SLC44A1: variants seen among roughly 807,000 people sequenced by gnomAD.
The protein encoded by SLC44A1 is choline transporter-like protein 1.
In SLC44A1, 26 loss-of-function variants were observed where a neutral mutation model predicts 79.3. That is an observed-to-expected ratio of 0.33 (90% CI 0.24 to 0.46). The LOEUF is 0.46. SLC44A1 is among the 20% of genes least tolerant of loss of function. The pLI, the probability that SLC44A1 is intolerant of heterozygous loss-of-function variation, is 1.00. For missense variants in SLC44A1, 688 were observed against 798.1 expected (o/e 0.86, Z 1.66); for synonymous variants, 263 against 286.2 (o/e 0.92, Z 0.82).
chr9:105,340,621 C>A (rs141012272), intron 4 of SLC44A1, among the ~76,000 whole-genome samples: 13 of 152,184 alleles, frequency 8.5e-5, no homozygotes, highest in African/African-American at 2.9e-4. Context: ...TAATTTTATA[C>A]CTTATTTTAA....
In SLC44A1 at chr9:105,364,608, C is replaced by T; in HGVS notation, c.1141C>T (p.Leu381=). 2 of 1,614,106 alleles carry T rather than the reference C, an allele frequency of 1.2e-6. No individual in the cohort carries two copies. Among genetic ancestry groups the T allele is most frequent in the Non-Finnish European group, 1.7e-6 (2 of 1,179,978 alleles). ...GFVEFKISGP[L]QYMWWYHVVG... ...TGTGGAGTTCAAAATTTCTGGGCCT[C>T]TGCAGTACATGTGGTGGTACCATGT... The change falls in exon 10 of 16, where the codon CTG becomes TTG. Residue 381 remains leucine (L), a synonymous_variant. Transcript: ENST00000374720.
chr9:105,286,120 A>G (rs527949206), intron 1 of SLC44A1, among the ~76,000 whole-genome samples: 16 of 152,326 alleles, frequency 1.1e-4, no homozygotes, highest in African/African-American at 3.8e-4. Flanking sequence ...TTTTTATTTT[A>G]GATAAATTAA....
chr9:105,374,468 T>C (rs1022916657), intron 12 of SLC44A1, 130 bp from the exon 13 acceptor site: 7 of 755,072 alleles, frequency 9.3e-6, no homozygotes, highest in Non-Finnish European at 1.5e-5. Context: ...TCTCGATCTG[T>C]ACCTCATTAA....
intron 15 of SLC44A1, among the ~76,000 whole-genome samples, chr9:105,411,194 A>G (rs1829089741): frequency 6.6e-6 from 1 of 152,238 alleles, no homozygotes; most frequent in African/African-American, 2.4e-5. Flanking sequence ...TATGTTATAT[A>G]TATTTTACCA....
At chr9:105,425,847 C>G (rs1384468292) in intron 15 of SLC44A1, among the ~76,000 whole-genome samples, 1 of 151,862 alleles carries the variant, frequency 6.6e-6, no homozygotes, top group Non-Finnish European at 1.5e-5. Flanking sequence ...AACAAAAAAC[C>G]CTGTATATTT....
At chr9:105,418,395 C>G (rs557849706) in intron 15 of SLC44A1, among the ~76,000 whole-genome samples, 1 of 151,788 alleles carries the variant, frequency 6.6e-6, no homozygotes, top group Non-Finnish European at 1.5e-5. Context: ...AAGCTCACAG[C>G]CTTCAGTTCA....
Position 105,396,456 on chromosome 9 carries a change from C to A in SLC44A1, c.*7400C>A, listed in dbSNP as rs996238847. 2 of 985,236 alleles carry A rather than the reference C, an allele frequency of 2.0e-6. No individual in the cohort carries two copies. Among genetic ancestry groups the A allele is most frequent in the Non-Finnish European group, 2.4e-6 (2 of 829,848 alleles). 61.0% of individuals were successfully genotyped at this position (985,236 alleles called of 1,614,324 possible). The stretch of plus-strand genomic sequence containing the variant: ...AGGTCCAACTTTACTTACTGGCTGG[C>A]ACAGCCTTTCTGAACTCCTTGAGTT... On this transcript the variant is annotated 3_prime_UTR_variant, in exon 16 of 16. Transcript: ENST00000374720.
chr9:105,397,089 C>A lies in SLC44A1; in HGVS notation c.*8033C>A. ...CTTTCTGGAGTTGGAGTTATCAAAT[C>A]TTGCTGGGAAATTAACTTCCAAGAG... On this transcript the variant is annotated 3_prime_UTR_variant, in exon 16 of 16. Transcript: ENST00000374720. 1 of 985,378 alleles carries A rather than the reference C, an allele frequency of 1.0e-6. No individual in the cohort carries two copies. Among genetic ancestry groups the A allele is most frequent in the Non-Finnish European group, 1.2e-6 (1 of 829,902 alleles). The allele number at this position is 985,378 out of a possible 1,614,324, so 61.0% of individuals were successfully genotyped here. A position where few individuals can be genotyped will look rare whatever the true frequency, so the allele number is the denominator to read the frequency against.
chr9:105,338,488 C>A (rs985648166), intron 4 of SLC44A1, among the ~76,000 whole-genome samples: 1 of 152,102 alleles, frequency 6.6e-6, no homozygotes, highest in African/African-American at 2.4e-5. Flanking sequence ...AATCATGATT[C>A]ATTGCAGCCT....
chr9:105,397,819 G>A (rs7040500), downstream of SLC44A1, among the ~76,000 whole-genome samples: 5,500 of 151,986 alleles, frequency 0.036, 336 homozygotes, highest in African/African-American at 0.12. Flanking sequence ...GTGGTGGCGG[G>A]CGCCTGTAGT....
At chr9:105,430,731 C>T (rs750785039) in intron 15 of SLC44A1, among the ~76,000 whole-genome samples, 1 of 152,136 alleles carries the variant, frequency 6.6e-6, no homozygotes, top group Non-Finnish European at 1.5e-5. Flanking sequence ...CTGCTATGAG[C>T]ATTCGTACAC....
chr9:105,343,878 A>G (rs1045141676), intron 4 of SLC44A1, among the ~76,000 whole-genome samples: 5 of 152,184 alleles, frequency 3.3e-5, no homozygotes, highest in African/African-American at 9.6e-5. Flanking sequence ...GCAAATATTT[A>G]TTATGTGTGC....
At chr9:105,304,944 GTTTTTTTTTTTTTTTTTTTTTTTTT>G (rs10589897) in intron 2 of SLC44A1, among the ~76,000 whole-genome samples, 3 of 20,086 alleles carry the variant, frequency 1.5e-4, no homozygotes, top group African/African-American at 4.1e-4. Context: ...ACTTTCTATC[GTTTTTTTTTTTTTTTTTTTTTTTTT>G]TTTTTTTTTT....
intron 15 of SLC44A1, among the ~76,000 whole-genome samples, chr9:105,408,132 CG>C (rs1049303736): frequency 7.9e-5 from 12 of 151,980 alleles, no homozygotes; most frequent in African/African-American, 2.9e-4. Context: ...CCAGCCTGGG[CG>C]ACAGACTGAG....
chr9:105,313,616 T>A (rs1279082458), intron 3 of SLC44A1, among the ~76,000 whole-genome samples: 1 of 152,178 alleles, frequency 6.6e-6, no homozygotes, highest in African/African-American at 2.4e-5. Flanking sequence ...ATCAGGGTGG[T>A]AGTAATATAT....
intron 1 of SLC44A1, 63 bp downstream of exon 1, chr9:105,244,967 G>T: frequency 1.2e-6 from 1 of 863,120 alleles, no homozygotes; most frequent in South Asian, 5.5e-5. Flanking sequence ...GTCGCGCGGC[G>T]GGCGCCCGCC....
intron 15 of SLC44A1, among the ~76,000 whole-genome samples, chr9:105,404,952 C>A (rs1379128884): frequency 6.6e-6 from 1 of 152,122 alleles, no homozygotes; most frequent in Non-Finnish European, 1.5e-5. Flanking sequence ...TAATGAGTAC[C>A]TACTACGTGT....
At chr9:105,277,889 C>G (rs1375652657) in intron 1 of SLC44A1, among the ~76,000 whole-genome samples, 2 of 152,194 alleles carry the variant, frequency 1.3e-5, no homozygotes, top group East Asian at 3.8e-4. Flanking sequence ...GTATCACAGT[C>G]AGAAAATTCT....
At chr9:105,258,564 C>CTTCCT (rs1005163821) in intron 1 of SLC44A1, among the ~76,000 whole-genome samples, 3 of 152,202 alleles carry the variant, frequency 2.0e-5, no homozygotes, top group Non-Finnish European at 4.4e-5. Flanking sequence ...AGCCTGTGCA[C>CTTCCT]TTCCTGCTGT....
Sources: gnomAD v4.1 joint callset for allele counts (sites outside exome capture counted in the v4.1 genomes callset) on GRCh38, gnomAD v4.1.1 for gene constraint, MANE v1.5 for transcripts, NCBI Gene and HGNC (gene_info 2026-07-23, HGNC 2026-07-21) for gene names.